LMX1B: variants seen among roughly 807,000 people sequenced by gnomAD.
LMX1B encodes LIM homeobox transcription factor 1 beta.
LMX1B carries 12 observed loss-of-function variants against 51.4 expected under a neutral mutation model. That is an observed-to-expected ratio of 0.23 (90% CI 0.15 to 0.38). The LOEUF is 0.38. Among genes scored for constraint, LMX1B ranks in the 10% least tolerant of loss-of-function variants. The pLI is 1.00. For synonymous variants in LMX1B, 237 were observed against 235.4 expected, an observed-to-expected ratio of 1.01 and a Z score of -0.06; for missense variants, 445 against 571.1, an observed-to-expected ratio of 0.78 and a Z score of 2.25.
At chr9:126,655,527 C>T (rs1166962999) in intron 2 of LMX1B, among the ~76,000 whole-genome samples, 4 of 152,150 alleles carry the variant, frequency 2.6e-5, no homozygotes, top group Admixed American at 1.3e-4. Flanking sequence ...AGGCCCTCCA[C>T]GTGGTAAGCA....
chr9:126,650,321 G>A (rs1252408127), intron 2 of LMX1B, among the ~76,000 whole-genome samples: 2 of 152,198 alleles, frequency 1.3e-5, no homozygotes, highest in Non-Finnish European at 2.9e-5. Context: ...CTTTTCTAGG[G>A]GCCAGAGGGA....
chr9:126,680,664 C>G (rs936418983), intron 2 of LMX1B, among the ~76,000 whole-genome samples: 1 of 152,004 alleles, frequency 6.6e-6, no homozygotes, highest in African/African-American at 2.4e-5. Flanking sequence ...TACTGCAGAC[C>G]AGGAGAGGGC....
intron 2 of LMX1B, among the ~76,000 whole-genome samples, chr9:126,621,495 G>C (rs1394293029): frequency 6.6e-6 from 1 of 152,204 alleles, no homozygotes; most frequent in African/African-American, 2.4e-5. Context: ...TGAAAAAGTT[G>C]ATTCACGAAG....
At chr9:126,637,893 G>A (rs1835742034) in intron 2 of LMX1B, among the ~76,000 whole-genome samples, 1 of 135,406 alleles carries the variant, frequency 7.4e-6, no homozygotes, top group Non-Finnish European at 1.5e-5. Flanking sequence ...TGTCTTCTCA[G>A]GAACTTGGCC....
Position 126,614,338 on chromosome 9 carries a change from CCCTGCGGGGGCCGCGCCT to C in LMX1B, c.-109_-92del. The C allele has an allele frequency of 1.4e-6, 1 of 734,194 alleles. No homozygotes were observed. Among genetic ancestry groups the C allele is most frequent in the South Asian group, 5.9e-5 (1 of 16,866 alleles). 45.5% of individuals were successfully genotyped at this position (734,194 alleles called of 1,614,324 possible). On this transcript the variant is annotated 5_prime_UTR_variant, in exon 1 of 8. Transcript: ENST00000373474. ...TCGCCGGGGGCCGGCGCAACCCCTG[CCCTGCGGGGGCCGCGCCT>C]CCCCGGTTCCAGGGCCGCGGCGGCG...
chr9:126,677,631 CGG>C lies in LMX1B; in HGVS notation c.327-13204_327-13203del, dbSNP rs1316090328. On this transcript the variant is annotated intron_variant, in intron 2 of 7. Transcript: ENST00000373474. This position sits in a 1 kb window ranked among gnomAD's most constrained non-coding sequence, Gnocchi z 5.0. The stretch of plus-strand genomic sequence containing the variant: ...TGTGTAAGGAAGAGACTCCTACCTC[CGG>C]TAGTGGTCATGAGGCATCAGTGAGG... Among the ~76,000 whole-genome samples the C allele has an allele frequency of 1.3e-5, 2 of 152,188 alleles. No individual in the cohort carries two copies. Among genetic ancestry groups the C allele is most frequent in the East Asian group, 3.9e-4 (2 of 5,190 alleles).
intron 2 of LMX1B, among the ~76,000 whole-genome samples, chr9:126,675,586 G>A (rs1017648148): frequency 1.5e-4 from 23 of 151,382 alleles, no homozygotes; most frequent in Non-Finnish European, 3.1e-4. Context: ...TTAGCTGGGC[G>A]TAGTGGCACA....
At chr9:126,657,934 G>A (rs1328191998) in intron 2 of LMX1B, among the ~76,000 whole-genome samples, 1 of 152,166 alleles carries the variant, frequency 6.6e-6, no homozygotes, top group Non-Finnish European at 1.5e-5. Context: ...AGAAGAAGGG[G>A]TGCCTGCCTC....
At chr9:126,619,313 C>A (rs1835365397) in intron 2 of LMX1B, among the ~76,000 whole-genome samples, 1 of 152,198 alleles carries the variant, frequency 6.6e-6, no homozygotes, top group African/African-American at 2.4e-5. Flanking sequence ...CTCCCGCGTT[C>A]GGGTGTGGCC....
Position 126,677,183 on chromosome 9 carries a change from C to T in LMX1B, c.327-13653C>T, listed in dbSNP as rs1239799529. The stretch of plus-strand genomic sequence containing the variant: ...AGCGCAGGAGACCCAGGGATGTGGT[C>T]CCCCAGATTCTCTTCTCCATCCCTG... On this transcript the variant is annotated intron_variant, in intron 2 of 7. Coordinates refer to ENST00000373474, the MANE Select transcript of LMX1B (RefSeq NM_001174147.2). This position sits in a 1 kb window ranked among gnomAD's most constrained non-coding sequence, Gnocchi z 5.0. 6.6e-6 allele frequency among the ~76,000 whole-genome samples: 1 copy of T among 152,162 alleles called. No homozygotes were observed. Among genetic ancestry groups the T allele is most frequent in the Non-Finnish European group, 1.5e-5 (1 of 68,018 alleles).
chr9:126,683,403 C>T (rs528212338), intron 2 of LMX1B, among the ~76,000 whole-genome samples: 4 of 152,306 alleles, frequency 2.6e-5, no homozygotes, highest in Admixed American at 1.3e-4. Context: ...TAAAAAACAG[C>T]TACGCCCGGA....
At chr9:126,665,716 G>A (rs1011370237) in intron 2 of LMX1B, among the ~76,000 whole-genome samples, 12 of 152,216 alleles carry the variant, frequency 7.9e-5, no homozygotes, top group Admixed American at 4.6e-4. Context: ...GTGGAGAATC[G>A]CTGGCCTTTG....
At chr9:126,620,026 T>C (rs1415233989) in intron 2 of LMX1B, among the ~76,000 whole-genome samples, 1 of 152,182 alleles carries the variant, frequency 6.6e-6, no homozygotes, top group Non-Finnish European at 1.5e-5. Flanking sequence ...CCTGGCATCT[T>C]GCCTGGCTTG....
chr9:126,637,656 T>G lies in LMX1B; in HGVS notation c.326+22087T>G, dbSNP rs1014326846. ...GTGTGATGTATGGATGTGGGCTGGG[T>G]GTGACAGGCAGAGCAGCAGATGGCC... On this transcript the variant is annotated intron_variant, in intron 2 of 7. Transcript: ENST00000373474. 6.4e-4 allele frequency among the ~76,000 whole-genome samples: 97 copies of G among 151,870 alleles called. 1 individual carries two copies. Among genetic ancestry groups the G allele is most frequent in the Non-Finnish European group, 1.3e-3 (88 of 67,944 alleles).
intron 2 of LMX1B, among the ~76,000 whole-genome samples, chr9:126,652,809 T>C (rs1327725671): frequency 6.6e-6 from 1 of 152,072 alleles, no homozygotes; most frequent in African/African-American, 2.4e-5. Context: ...GGAGCAGAGG[T>C]TGTGACATCA....
intron 2 of LMX1B, among the ~76,000 whole-genome samples, chr9:126,652,795 G>A (rs937693213): frequency 6.6e-6 from 1 of 152,228 alleles, no homozygotes; most frequent in Non-Finnish European, 1.5e-5. Context: ...AAGGGGATGG[G>A]TCAGGAGCAG....
Position 126,695,806 on chromosome 9 carries a change from A to C in LMX1B, c.887-33A>C. Reference sequence around the variant, plus strand: ...GGGTGTAGCTGGGAGGGCGTGGACCAGGCCAGGGGGTGAAGGCTCACTGTG... The same window carrying C: ...GGGTGTAGCTGGGAGGGCGTGGACCCGGCCAGGGGGTGAAGGCTCACTGTG... On this transcript the variant is annotated intron_variant, in intron 6 of 7. Coordinates refer to ENST00000373474, the MANE Select transcript of LMX1B (RefSeq NM_001174147.2). This position sits in a 1 kb window ranked among gnomAD's most constrained non-coding sequence, Gnocchi z 5.2. 6.2e-7 allele frequency: 1 copy of C among 1,610,426 alleles called. No individual in the cohort carries two copies. Among genetic ancestry groups the C allele is most frequent in the African/African-American group, 1.3e-5 (1 of 74,896 alleles).
chr9:126,630,900 C>T (rs1057376554), intron 2 of LMX1B, among the ~76,000 whole-genome samples: 7 of 152,252 alleles, frequency 4.6e-5, no homozygotes, highest in African/African-American at 7.2e-5. Context: ...TCCGGGCTGC[C>T]GGTGCAGCAA....
intron 2 of LMX1B, among the ~76,000 whole-genome samples, chr9:126,668,443 T>TTTATTATTATTATTATTACTA (rs1554726312): frequency 6.8e-6 from 1 of 146,922 alleles, no homozygotes; most frequent in African/African-American, 2.5e-5. Flanking sequence ...AGAAGCAGGA[T>TTTATTATTATTATTATTACTA]TTATTATTAT....
Sources: allele counts gnomAD v4.1 joint callset (sites outside exome capture counted in the v4.1 genomes callset), GRCh38; gene constraint gnomAD v4.1.1; non-coding constraint Gnocchi (gnomAD v3.1); transcripts MANE v1.5; gene names NCBI Gene and HGNC (gene_info 2026-07-23, HGNC 2026-07-21).